The following PRKG2 variants were observed in gnomAD, a reference collection of about 807,000 sequenced individuals.
PRKG2 encodes the protein protein kinase cGMP-dependent 2.
Under a neutral mutation model 97.2 loss-of-function variants are expected in PRKG2, and 33 were observed. The observed-to-expected ratio is 0.34, with a 90% CI of 0.26 to 0.45. The LOEUF (loss-of-function observed/expected upper bound fraction) is 0.45. Ranked by LOEUF, PRKG2 falls within the 20% of genes least tolerant of loss-of-function variation. The pLI is 1.00. For synonymous variants in PRKG2, 330 were observed against 321.8 expected (o/e 1.03, Z -0.27); for missense variants, 638 against 900.0 (o/e 0.71, Z 3.73).
intron 1 of PRKG2, among the ~76,000 whole-genome samples, chr4:81,208,375 G>A (rs1454070055): frequency 6.6e-6 from 1 of 152,134 alleles, no homozygotes; most frequent in African/African-American, 2.4e-5. Context: ...TCATTTCTGG[G>A]TAGGACAGAA....
intron 2 of PRKG2, among the ~76,000 whole-genome samples, chr4:81,196,941 A>T (rs896195381): frequency 1.3e-5 from 2 of 152,230 alleles, no homozygotes; most frequent in African/African-American, 4.8e-5. Flanking sequence ...TTTCACAAAG[A>T]ACGGACTTCC....
chr4:81,168,019 A>T (rs1222578078), intron 5 of PRKG2, among the ~76,000 whole-genome samples: 1 of 151,358 alleles, frequency 6.6e-6, no homozygotes, highest in Non-Finnish European at 1.5e-5. Flanking sequence ...AATATCACAT[A>T]CTTCATAATA....
intron 14 of PRKG2, among the ~76,000 whole-genome samples, chr4:81,121,728 CTT>C (rs200587280): frequency 4.0e-5 from 6 of 151,302 alleles, no homozygotes; most frequent in Admixed American, 6.6e-5. Context: ...CTCTTTCACT[CTT>C]TTTTTTTCTT....
At chr4:81,114,679 G>A (rs1398779129) in intron 14 of PRKG2, among the ~76,000 whole-genome samples, 2 of 152,058 alleles carry the variant, frequency 1.3e-5, no homozygotes, top group African/African-American at 4.8e-5. Context: ...TAAAGCATGA[G>A]AATAAAAACA....
rs59866145 is a variant in PRKG2, at chr4:81,092,465, AAAGGAAGG to A, written c.2127-21_2127-14del. The A allele has an allele frequency of 0.081, 74,883 of 926,220 alleles. 4,656 individuals are homozygous for A. Among genetic ancestry groups the A allele is most frequent in the South Asian group, 0.12 (6,877 of 57,708 alleles). The allele number at this position is 926,220 out of a possible 1,614,324, so 57.4% of individuals were successfully genotyped here. ...ACCATTTAACCACCTGAGAAATGAGAAAGGAAGGAAGGAAGGAAGGAAGGAAGGAAGGA... is the reference window on the plus strand; with the variant it reads ...ACCATTTAACCACCTGAGAAATGAGAAAGGAAGGAAGGAAGGAAGGAAGGA... On this transcript the variant is annotated splice_polypyrimidine_tract_variant and intron_variant, in intron 17 of 18. Transcript: ENST00000264399.
At chr4:81,153,766 A>C in intron 6 of PRKG2, 45 bp from the exon 7 acceptor site, 1 of 1,414,242 alleles carries the variant, frequency 7.1e-7, no homozygotes, top group Non-Finnish European at 1.0e-6. Flanking sequence ...GGGTGGAGCC[A>C]AGATGGCCTA....
upstream of PRKG2, among the ~76,000 whole-genome samples, chr4:81,217,038 T>TATATATATATATAC (rs1366219571): frequency 7.1e-5 from 10 of 139,880 alleles, no homozygotes; most frequent in South Asian, 4.3e-4. Flanking sequence ...TTTGTATATA[T>TATATATATATATAC]ATATATATAT....
chr4:81,123,294 C>G (rs769408499), intron 14 of PRKG2, among the ~76,000 whole-genome samples: 4 of 152,160 alleles, frequency 2.6e-5, no homozygotes, highest in Non-Finnish European at 4.4e-5. Flanking sequence ...CTTTCATGAT[C>G]ATGTGGTAAC....
Position 81,117,509 on chromosome 4 carries a change from C to T in PRKG2, c.1777-6898G>A, listed in dbSNP as rs560192183. On this transcript the variant is annotated intron_variant, in intron 14 of 18. Transcript: ENST00000264399. Reference sequence around the variant, plus strand: ...GTTTGCCCTAAATTTTCTAAGGTATCATTCATTAGGTTAATAAAATTTTTT... The same window carrying T: ...GTTTGCCCTAAATTTTCTAAGGTATTATTCATTAGGTTAATAAAATTTTTT... 2.0e-5 allele frequency among the ~76,000 whole-genome samples: 3 copies of T among 152,152 alleles called. No homozygotes were observed. The East Asian group carries it at 5.8e-4, about 29-fold the overall frequency.
intron 2 of PRKG2, among the ~76,000 whole-genome samples, chr4:81,177,877 G>A (rs1723369048): frequency 6.6e-6 from 1 of 151,952 alleles, no homozygotes; most frequent in South Asian, 2.1e-4. Flanking sequence ...TGATCTACAA[G>A]AGAACATGAG....
chr4:81,115,734 CAACT>C (rs1238297091), intron 14 of PRKG2, among the ~76,000 whole-genome samples: 1 of 152,168 alleles, frequency 6.6e-6, no homozygotes, highest in Non-Finnish European at 1.5e-5. Context: ...CACAAGGTCA[CAACT>C]AACCAGAAAG....
intron 2 of PRKG2, among the ~76,000 whole-genome samples, chr4:81,184,741 T>G (rs1281983984): frequency 6.6e-6 from 1 of 151,994 alleles, no homozygotes; most frequent in African/African-American, 2.4e-5. Context: ...CTAAGAATGT[T>G]GAAAAAGGGT....
At chr4:81,159,203 C>T (rs1315441581) in intron 6 of PRKG2, among the ~76,000 whole-genome samples, 1 of 152,022 alleles carries the variant, frequency 6.6e-6, no homozygotes, top group African/African-American at 2.4e-5. Context: ...ATTTTTGCAA[C>T]CTACTCATCT....
At chr4:81,142,475 G>A (rs1050408878) in intron 11 of PRKG2, among the ~76,000 whole-genome samples, 5 of 152,052 alleles carry the variant, frequency 3.3e-5, no homozygotes, top group East Asian at 1.9e-4. Context: ...ATATAGACAC[G>A]CATTTGCTGT....
intron 17 of PRKG2, among the ~76,000 whole-genome samples, chr4:81,097,959 T>C (rs2109953314): frequency 6.6e-6 from 1 of 152,280 alleles, no homozygotes; most frequent in African/African-American, 2.4e-5. Flanking sequence ...TTTGCTTTCT[T>C]ACCATGTGCA....
chr4:81,200,518 T>G (rs1485269654), intron 2 of PRKG2, among the ~76,000 whole-genome samples: 3 of 152,224 alleles, frequency 2.0e-5, no homozygotes, highest in African/African-American at 7.2e-5. Flanking sequence ...TAAGGCAGAC[T>G]GGTGCCCAGG....
At chr4:81,104,898 CA>C (rs1267903945) in intron 16 of PRKG2, among the ~76,000 whole-genome samples, 1 of 151,406 alleles carries the variant, frequency 6.6e-6, no homozygotes, top group Non-Finnish European at 1.5e-5. Context: ...GAATTTTAAA[CA>C]AAAAAAATCC....
intron 18 of PRKG2, among the ~76,000 whole-genome samples, chr4:81,091,457 T>C (rs1560526190): frequency 6.6e-6 from 1 of 151,692 alleles, no homozygotes; most frequent in Non-Finnish European, 1.5e-5. Flanking sequence ...TAATTTTTTT[T>C]TATTTTTAGT....
At chr4:81,102,506 C>T (rs900852562) in intron 17 of PRKG2, among the ~76,000 whole-genome samples, 9 of 152,180 alleles carry the variant, frequency 5.9e-5, no homozygotes, top group East Asian at 1.9e-4. Context: ...CAGCATGGAG[C>T]GCTGGAAGAA....
Sources: allele counts gnomAD v4.1 joint callset (sites outside exome capture counted in the v4.1 genomes callset), GRCh38; gene constraint gnomAD v4.1.1; transcripts MANE v1.5; gene names NCBI Gene and HGNC (gene_info 2026-07-23, HGNC 2026-07-21).